RPH3AL: variants seen among roughly 807,000 people sequenced by gnomAD.
The protein encoded by RPH3AL is rab effector Noc2.
A neutral mutation model predicts 43.1 loss-of-function variants in RPH3AL; 38 were observed. The observed-to-expected ratio is 0.88, with a 90% CI of 0.68 to 1.15. RPH3AL has a LOEUF of 1.15. RPH3AL is among the 50% of genes most tolerant of loss of function. The pLI is 0.00. For missense variants in RPH3AL, 462 were observed against 423.2 expected, an observed-to-expected ratio of 1.09 and a Z score of -0.81; for synonymous variants, 189 against 176.3, an observed-to-expected ratio of 1.07 and a Z score of -0.57.
At chr17:296,610 C>T (rs79888645) in intron 5 of RPH3AL, among the ~76,000 whole-genome samples, 3,522 of 152,296 alleles carry the variant, frequency 0.023, 50 homozygotes, top group Non-Finnish European at 0.029. Flanking sequence ...AGCTCGTTTC[C>T]GCCGATGGCT....
At chr17:286,190 C>A (rs77481597) in intron 5 of RPH3AL, among the ~76,000 whole-genome samples, 23,524 of 152,116 alleles carry the variant, frequency 0.15, 2,050 homozygotes, top group East Asian at 0.36. Context: ...ACTCACAGAC[C>A]ACGAGGACGC....
rs1266042150 is a variant in RPH3AL at position 242,968 on chromosome 17, C to CTACCTTCCTCTATTGAA, written c.613+4126_613+4142dup. On this transcript the variant is annotated intron_variant, in intron 7 of 9. Coordinates refer to ENST00000331302, the MANE Select transcript of RPH3AL (RefSeq NM_006987.4). ...TCTATTGACTACCTTCCTCTATTGA[C>CTACCTTCCTCTATTGAA]TACCTTCCTCTATTGAATACCTTCC... Among the ~76,000 whole-genome samples, 358 of 113,620 alleles carry CTACCTTCCTCTATTGAA rather than the reference C, an allele frequency of 3.2e-3. 19 individuals are homozygous for CTACCTTCCTCTATTGAA. The highest frequency in any genetic ancestry group is 0.017 in the Admixed American group (176 of 10,268). The allele number at this position is 113,620 out of a possible 152,430, so 74.5% of individuals were successfully genotyped here. A position where few individuals can be genotyped will look rare whatever the true frequency, so the allele number is the denominator to read the frequency against.
chr17:214,142 C>T (rs1295518241), intron 9 of RPH3AL, among the ~76,000 whole-genome samples: 2 of 152,214 alleles, frequency 1.3e-5, no homozygotes, highest in Admixed American at 1.3e-4. Flanking sequence ...TCAGGCCCTC[C>T]TCCTAACCCA....
At chr17:325,387 C>CA (rs1018621453) in intron 3 of RPH3AL, among the ~76,000 whole-genome samples, 1 of 152,178 alleles carries the variant, frequency 6.6e-6, no homozygotes, top group Non-Finnish European at 1.5e-5. Flanking sequence ...CCTACCTCTC[C>CA]ATCTTCCTTC....
rs2044797759 is a variant in RPH3AL at position 332,293 on chromosome 17, C to CGT, written c.-37+1464_-37+1465dup. The stretch of plus-strand genomic sequence containing the variant: ...GGAAGGAGGAGCGTGTGTGTGTGCG[C>CGT]GTGTGTGTGTACAGGAGCATATTCA... On this transcript the variant is annotated intron_variant, in intron 2 of 9. Coordinates refer to ENST00000331302, the MANE Select transcript of RPH3AL (RefSeq NM_006987.4). The CGT allele has an allele frequency of 7.8e-5, 20 of 255,688 alleles. No individual in the cohort carries two copies. In the East Asian group the frequency reaches 1.4e-3, roughly 18 times the overall value. 15.8% of individuals were successfully genotyped at this position (255,688 alleles called of 1,614,324 possible).
At position 323,741 on chromosome 17, in the gene RPH3AL, G is replaced by T. The variant is rs2044542538; in HGVS notation, c.78-2326C>A. Among the ~76,000 whole-genome samples, 1 of 152,178 alleles carries T rather than the reference G, an allele frequency of 6.6e-6. No individual in the cohort carries two copies. Among genetic ancestry groups the T allele is most frequent in the Non-Finnish European group, 1.5e-5 (1 of 68,016 alleles). On this transcript the variant is annotated intron_variant, in intron 3 of 9. Transcript: ENST00000331302. The surrounding 1 kb of genome is among the most constrained non-coding windows in gnomAD (Gnocchi z 4.4). ...GGTCCCACGAGCTTGTTCTGGGGCT[G>T]GTGATGGCACAGGACACTACAGATG...
intron 5 of RPH3AL, among the ~76,000 whole-genome samples, chr17:314,326 G>A (rs1567506363): frequency 6.6e-6 from 1 of 152,116 alleles, no homozygotes. Flanking sequence ...ACAGGAGGAG[G>A]AAGCACACTG....
At chr17:281,722 T>C in intron 6 of RPH3AL, 46 bp downstream of exon 6, 1 of 1,179,230 alleles carries the variant, frequency 8.5e-7, no homozygotes, top group Middle Eastern at 3.0e-4. Flanking sequence ...TCTGAGGGCA[T>C]ATCCAGCCCA....
chr17:311,231 G>A (rs12452454), intron 5 of RPH3AL, among the ~76,000 whole-genome samples: 3,860 of 152,246 alleles, frequency 0.025, 75 homozygotes, highest in East Asian at 0.076. Flanking sequence ...AGCATGCCCC[G>A]TCCCTCCTCC....
chr17:270,472 G>A (rs948854270), intron 6 of RPH3AL, among the ~76,000 whole-genome samples: 2 of 152,158 alleles, frequency 1.3e-5, no homozygotes, highest in African/African-American at 4.8e-5. Context: ...GGCCTGTGAG[G>A]CCCAGACTGA....
At chr17:331,693 C>G in intron 2 of RPH3AL, 1 of 1,287,922 alleles carries the variant, frequency 7.8e-7, no homozygotes, top group African/African-American at 1.5e-5. Flanking sequence ...TCAGCCGACC[C>G]CCATGCCCGG....
intron 1 of RPH3AL, among the ~76,000 whole-genome samples, chr17:351,587 T>C (rs1253735904): frequency 1.3e-5 from 2 of 152,160 alleles, no homozygotes; most frequent in Admixed American, 6.5e-5. Context: ...AGCCTCTCTT[T>C]TTCTTGTCTC....
At chr17:259,330 G>C (rs181882708) in intron 6 of RPH3AL, among the ~76,000 whole-genome samples, 1 of 152,136 alleles carries the variant, frequency 6.6e-6, no homozygotes. Context: ...AATGCCTTCC[G>C]CAGGGGAGAG....
rs1173880604 is a variant in RPH3AL, at chr17:244,116, T to A, written c.613+2995A>T. 3.3e-5 allele frequency among the ~76,000 whole-genome samples: 5 copies of A among 150,302 alleles called. No individual in the cohort carries two copies. The East Asian group carries it at 1.0e-3, about 30-fold the overall frequency. ...CCTTTCTCTATTGATTACCCCTCTA[T>A]TGATTACCCTTCCTCTATTGATTAT... On this transcript the variant is annotated intron_variant, in intron 7 of 9. Transcript: ENST00000331302.
intron 6 of RPH3AL, chr17:247,666 T>A: frequency 4.9e-6 from 1 of 202,022 alleles, no homozygotes; most frequent in Non-Finnish European, 1.0e-5. Context: ...CAAGCCCATG[T>A]CCTCCTGCTT....
At chr17:348,784 C>T (rs979262217) in intron 1 of RPH3AL, 8 of 152,154 alleles carry the variant, frequency 5.3e-5, no homozygotes, top group African/African-American at 1.7e-4. Context: ...ATCCCCACCA[C>T]GTGGCCCTCC....
intron 5 of RPH3AL, among the ~76,000 whole-genome samples, chr17:314,531 TCCACC>T (rs2043806428): frequency 9.9e-5 from 12 of 121,632 alleles, no homozygotes; most frequent in South Asian, 2.8e-4. Flanking sequence ...TCCCTGTGAC[TCCACC>T]TCCATTGACC....
intron 1 of RPH3AL, among the ~76,000 whole-genome samples, chr17:342,482 A>C (rs1006671491): frequency 1.7e-4 from 26 of 152,270 alleles, no homozygotes; most frequent in Non-Finnish European, 3.1e-4. Flanking sequence ...GAAAAGGACA[A>C]ACAAAATATG....
chr17:276,000 G>C (rs2042646948), intron 6 of RPH3AL, among the ~76,000 whole-genome samples: 1 of 152,238 alleles, frequency 6.6e-6, no homozygotes, highest in South Asian at 2.1e-4. Context: ...GAGCTAAGCA[G>C]CCAGTTTACA....
Sources: allele counts gnomAD v4.1 joint callset (sites outside exome capture counted in the v4.1 genomes callset), GRCh38; gene constraint gnomAD v4.1.1; non-coding constraint Gnocchi (gnomAD v3.1); transcripts MANE v1.5; gene names NCBI Gene and HGNC (gene_info 2026-07-23, HGNC 2026-07-21).